The following SGCZ variants were observed in gnomAD, a reference collection of about 807,000 sequenced individuals.
SGCZ encodes sarcoglycan zeta, also known as zeta-sarcoglycan.
SGCZ carries 40 observed loss-of-function variants against 41.3 expected under a neutral mutation model. The ratio of observed to expected loss-of-function variants is 0.97; its 90% CI spans 0.75 to 1.26. The LOEUF (loss-of-function observed/expected upper bound fraction) is 1.26, where lower values mean the gene tolerates loss of function less well. Ranked by LOEUF, SGCZ falls within the 50% of genes most tolerant of loss-of-function variation. SGCZ has a pLI of 0.00. For synonymous variants in SGCZ, 206 were observed against 137.5 expected, an observed-to-expected ratio of 1.50 and a Z score of -3.49; for missense variants, 552 against 369.8, an observed-to-expected ratio of 1.49 and a Z score of -4.04.
chr8:14,675,752 T>C (rs1775575414), intron 1 of SGCZ, among the ~76,000 whole-genome samples: 1 of 152,154 alleles, frequency 6.6e-6, no homozygotes, highest in Non-Finnish European at 1.5e-5. Context: ...ATATCATCTT[T>C]TCAGGGAAAA....
At chr8:14,494,354 T>A (rs915870750) in intron 2 of SGCZ, among the ~76,000 whole-genome samples, 3 of 152,212 alleles carry the variant, frequency 2.0e-5, no homozygotes, top group African/African-American at 7.2e-5. Flanking sequence ...GCTACTGTTT[T>A]CATGAATTCA....
At chr8:14,758,251 G>T (rs942592602) in intron 1 of SGCZ, among the ~76,000 whole-genome samples, 3 of 152,118 alleles carry the variant, frequency 2.0e-5, no homozygotes, top group African/African-American at 7.2e-5. Flanking sequence ...CTTCTATTAA[G>T]TTCTTCCTGG....
chr8:14,834,425 T>A (rs1285532533), intron 1 of SGCZ, among the ~76,000 whole-genome samples: 1 of 152,162 alleles, frequency 6.6e-6, no homozygotes, highest in Non-Finnish European at 1.5e-5. Flanking sequence ...AAAGGTTTAT[T>A]TTTCATGCTA....
intron 1 of SGCZ, among the ~76,000 whole-genome samples, chr8:14,901,061 G>T (rs986839831): frequency 4.6e-5 from 7 of 152,136 alleles, no homozygotes; most frequent in African/African-American, 1.7e-4. Context: ...TGGAAAGAAT[G>T]CTTACTCAAA....
intron 1 of SGCZ, among the ~76,000 whole-genome samples, chr8:15,065,027 C>T (rs1170754047): frequency 3.3e-5 from 5 of 152,122 alleles, no homozygotes; most frequent in Admixed American, 6.5e-5. Context: ...TAATTCAATA[C>T]AACACCAGCA....
chr8:14,260,083 T>A (rs1799601920), intron 3 of SGCZ, among the ~76,000 whole-genome samples: 3 of 152,134 alleles, frequency 2.0e-5, no homozygotes, highest in African/African-American at 4.8e-5. Context: ...CAATTGTGAA[T>A]GGGAGTTCAC....
At chr8:15,040,851 T>TG (rs1255069695) in intron 1 of SGCZ, among the ~76,000 whole-genome samples, 1 of 152,190 alleles carries the variant, frequency 6.6e-6, no homozygotes, top group Non-Finnish European at 1.5e-5. Flanking sequence ...AAAGTCAGGA[T>TG]GTACTGATAA....
At chr8:14,582,279 T>C (rs1486758519) in intron 1 of SGCZ, among the ~76,000 whole-genome samples, 1 of 151,960 alleles carries the variant, frequency 6.6e-6, no homozygotes, top group Non-Finnish European at 1.5e-5. Flanking sequence ...AGTAGTTACG[T>C]TTGGGGGGAG....
At chr8:15,078,672 T>TA (rs1805634210) in intron 1 of SGCZ, among the ~76,000 whole-genome samples, 1 of 152,098 alleles carries the variant, frequency 6.6e-6, no homozygotes, top group Non-Finnish European at 1.5e-5. Context: ...TCATAGGTTA[T>TA]ATGTTCTCTG....
chr8:15,236,919 C>G (rs747959534), intron 1 of SGCZ, among the ~76,000 whole-genome samples: 1 of 152,106 alleles, frequency 6.6e-6, no homozygotes, highest in Non-Finnish European at 1.5e-5. Flanking sequence ...CGCCCCCTGC[C>G]CGAGTCCCCG....
At chr8:14,781,564 A>C (rs929632846) in intron 1 of SGCZ, among the ~76,000 whole-genome samples, 3 of 152,112 alleles carry the variant, frequency 2.0e-5, no homozygotes, top group African/African-American at 7.2e-5. Flanking sequence ...TTCAAAACTT[A>C]TTACCAATGA....
At chr8:14,585,761 C>T (rs1255269230) in intron 1 of SGCZ, among the ~76,000 whole-genome samples, 1 of 151,944 alleles carries the variant, frequency 6.6e-6, no homozygotes, top group Non-Finnish European at 1.5e-5. Flanking sequence ...TTGTTTATTG[C>T]CACAAAAGAG....
At chr8:14,163,372 A>C (rs1030399667) in intron 5 of SGCZ, among the ~76,000 whole-genome samples, 3 of 152,092 alleles carry the variant, frequency 2.0e-5, no homozygotes, top group Non-Finnish European at 4.4e-5. Flanking sequence ...CTATGTGTCC[A>C]TGTGTTCTCA....
At chr8:14,302,080 T>G (rs115531664) in intron 3 of SGCZ, among the ~76,000 whole-genome samples, 3,461 of 152,224 alleles carry the variant, frequency 0.023, 51 homozygotes, top group Middle Eastern at 0.054. Flanking sequence ...TTCTCTAAGA[T>G]TACAACTTAA....
At chr8:15,215,383 C>T (rs925398262) in intron 1 of SGCZ, among the ~76,000 whole-genome samples, 1 of 152,118 alleles carries the variant, frequency 6.6e-6, no homozygotes, top group African/African-American at 2.4e-5. Flanking sequence ...CTGAATATAA[C>T]ATAAACAATC....
intron 1 of SGCZ, among the ~76,000 whole-genome samples, chr8:15,134,389 G>C (rs1233053193): frequency 6.6e-6 from 1 of 150,462 alleles, no homozygotes; most frequent in Non-Finnish European, 1.5e-5. Context: ...AAAATTACCA[G>C]AGAATCTAAT....
chr8:14,408,966 T>TGTGCGTGTGCGTGTGC (rs1554513906), intron 2 of SGCZ, among the ~76,000 whole-genome samples: 1 of 136,776 alleles, frequency 7.3e-6, no homozygotes, highest in Non-Finnish European at 1.5e-5. Flanking sequence ...TGTGTGTGTG[T>TGTGCGTGTGCGTGTGC]GTGTGCATGT....
At chr8:14,810,190 A>T (rs1168565679) in intron 1 of SGCZ, among the ~76,000 whole-genome samples, 2 of 152,062 alleles carry the variant, frequency 1.3e-5, no homozygotes, top group African/African-American at 4.8e-5. Context: ...AAATAACAAG[A>T]TACTTAATAT....
At chr8:15,003,265 C>T (rs968622464) in intron 1 of SGCZ, among the ~76,000 whole-genome samples, 3 of 152,068 alleles carry the variant, frequency 2.0e-5, no homozygotes, top group Non-Finnish European at 4.4e-5. Flanking sequence ...AAAGACGAAG[C>T]AGAGAGGGTT....
Sources: gnomAD v4.1 joint callset for allele counts (sites outside exome capture counted in the v4.1 genomes callset) on GRCh38, gnomAD v4.1.1 for gene constraint, MANE v1.5 for transcripts, NCBI Gene and HGNC (gene_info 2026-07-23, HGNC 2026-07-21) for gene names.